WIPF3: variants seen among roughly 807,000 people sequenced by gnomAD.
The protein encoded by WIPF3 is WAS/WASL-interacting protein family member 3.
In WIPF3, 33 loss-of-function variants were observed where a neutral mutation model predicts 38.9. That is an observed-to-expected ratio of 0.85 (90% CI 0.64 to 1.14). The LOEUF (loss-of-function observed/expected upper bound fraction) is 1.14, where lower values mean the gene tolerates loss of function less well. WIPF3 is among the 50% of genes most tolerant of loss of function. The pLI, the probability that WIPF3 is intolerant of heterozygous loss-of-function variation, is 0.00. For synonymous variants in WIPF3, 324 were observed against 269.3 expected, an observed-to-expected ratio of 1.20 and a Z score of -1.99; for missense variants, 711 against 652.5, an observed-to-expected ratio of 1.09 and a Z score of -0.98.
At chr7:29,873,864 C>T (rs1468575061) in intron 2 of WIPF3, among the ~76,000 whole-genome samples, 1 of 152,224 alleles carries the variant, frequency 6.6e-6, no homozygotes, top group Non-Finnish European at 1.5e-5. Flanking sequence ...TTAGCCAAAA[C>T]CGCAACTGCC....
At chr7:29,882,945 C>G (rs542748053) in intron 4 of WIPF3, among the ~76,000 whole-genome samples, 8 of 152,218 alleles carry the variant, frequency 5.3e-5, no homozygotes, top group African/African-American at 1.7e-4. Context: ...TGCAGAACTT[C>G]GAGGCAGTAA....
At chr7:29,836,426 G>C (rs887163313) in intron 2 of WIPF3, among the ~76,000 whole-genome samples, 1 of 152,202 alleles carries the variant, frequency 6.6e-6, no homozygotes, top group Non-Finnish European at 1.5e-5. Flanking sequence ...CTCAGTAAAA[G>C]TTGAACAGGT....
At chr7:29,842,974 A>G (rs1784938725) in intron 2 of WIPF3, among the ~76,000 whole-genome samples, 1 of 152,196 alleles carries the variant, frequency 6.6e-6, no homozygotes, top group Non-Finnish European at 1.5e-5. Flanking sequence ...CTTACCAGGA[A>G]CTGATAGTGG....
intron 2 of WIPF3, among the ~76,000 whole-genome samples, chr7:29,835,690 A>T (rs886879772): frequency 3.3e-5 from 5 of 152,062 alleles, no homozygotes; most frequent in Admixed American, 1.3e-4. Flanking sequence ...TCTCACACTC[A>T]TTTTCCATTC....
At chr7:29,886,646 T>C (rs1428978213) in intron 5 of WIPF3, among the ~76,000 whole-genome samples, 1 of 152,146 alleles carries the variant, frequency 6.6e-6, no homozygotes, top group East Asian at 1.9e-4. Flanking sequence ...TGTGAGCCAC[T>C]ATGCCCGGCC....
Position 29,889,303 on chromosome 7 carries a change from C to A in WIPF3, c.1250-3C>A. 3.7e-6 allele frequency: 6 copies of A among 1,612,564 alleles called. No individual in the cohort carries two copies. Among genetic ancestry groups the A allele is most frequent in the Non-Finnish European group, 5.1e-6 (6 of 1,178,692 alleles). On this transcript the variant is annotated splice_region_variant and splice_polypyrimidine_tract_variant and intron_variant, in intron 6 of 8. Transcript: ENST00000242140. Reference sequence around the variant, plus strand: ...TAACTCTTTCCATTTCGCTTGTGTGCAGATGACTTCGAGTCTAAATTCACG... The same window carrying A: ...TAACTCTTTCCATTTCGCTTGTGTGAAGATGACTTCGAGTCTAAATTCACG...
At chr7:29,807,784 T>C (rs537779385) in intron 1 of WIPF3, among the ~76,000 whole-genome samples, 1 of 152,332 alleles carries the variant, frequency 6.6e-6, no homozygotes, top group Admixed American at 6.5e-5. Flanking sequence ...CCTCTGTGCC[T>C]GGGGTCCTTG....
chr7:29,884,827 A>G (rs1248303798), intron 5 of WIPF3, among the ~76,000 whole-genome samples: 3 of 152,106 alleles, frequency 2.0e-5, no homozygotes, highest in African/African-American at 7.2e-5. Context: ...TCTCCCTTCT[A>G]TTCATCTGTA....
rs754407587 is a variant in WIPF3 at position 29,823,922 on chromosome 7, A to G, written c.-57-10746A>G. 5.3e-5 allele frequency among the ~76,000 whole-genome samples: 8 copies of G among 152,182 alleles called. No individual in the cohort carries two copies. Among genetic ancestry groups the G allele is most frequent in the Non-Finnish European group, 7.4e-5 (5 of 68,024 alleles). ...AAGCAGATGCCGTTATGCTTCCTGT[A>G]CAGCCTGCAGAACTGTGAGCCAATT... On this transcript the variant is annotated intron_variant, in intron 1 of 8. Transcript: ENST00000242140. The surrounding 1 kb of genome is among the most constrained non-coding windows in gnomAD (Gnocchi z 4.0).
intron 4 of WIPF3, 27 bp from the exon 5 acceptor site, chr7:29,883,823 C>T: frequency 6.6e-7 from 1 of 1,514,282 alleles, no homozygotes; most frequent in African/African-American, 1.4e-5. Flanking sequence ...TATTGCCGAG[C>T]TAACCCAGAA....
intron 2 of WIPF3, among the ~76,000 whole-genome samples, chr7:29,854,242 A>C (rs1785150846): frequency 6.6e-6 from 1 of 152,224 alleles, no homozygotes; most frequent in African/African-American, 2.4e-5. Context: ...TGTAAGAAGA[A>C]TTTTAAAGGC....
chr7:29,831,781 GA>G (rs1168807302), intron 1 of WIPF3, among the ~76,000 whole-genome samples: 1 of 152,166 alleles, frequency 6.6e-6, no homozygotes, highest in Admixed American at 6.5e-5. Flanking sequence ...AATGGGCGGG[GA>G]AAGAGAAAAG....
chr7:29,911,922 A>C (rs1234630173), intron 8 of WIPF3, among the ~76,000 whole-genome samples: 2 of 152,224 alleles, frequency 1.3e-5, no homozygotes, highest in Non-Finnish European at 2.9e-5. Context: ...AGAAGAAAAA[A>C]TAAGCAAACT....
In WIPF3 at chr7:29,889,333, A is replaced by G; in HGVS notation, c.1277A>G (p.His426Arg). 2 of 1,613,938 alleles carry G rather than the reference A, an allele frequency of 1.2e-6. No individual in the cohort carries two copies. Among genetic ancestry groups the G allele is most frequent in the Non-Finnish European group, 1.7e-6 (2 of 1,179,886 alleles). The change falls in exon 7 of 9, where the codon CAT becomes CGT. Residue 426 changes from histidine (H) to arginine (R), a missense_variant. By Grantham distance (29) the His-to-Arg change is conservative. Coordinates refer to ENST00000242140, the MANE Select transcript of WIPF3 (RefSeq NM_001080529.3). ...GACTTCGAGTCTAAATTCACGTTCC[A>G]TTCTGTGGAAGACTTTCCCCCTCCG... Reference protein sequence around the residue: ...IDDFESKFTFHSVEDFPPPDE... With the variant: ...IDDFESKFTFRSVEDFPPPDE...
At position 29,884,585 on chromosome 7, in the gene WIPF3, GC is replaced by G; in HGVS notation, c.1093del (p.Arg365AspfsTer9). 1 of 1,604,782 alleles carries G rather than the reference GC, an allele frequency of 6.2e-7. No individual in the cohort carries two copies. The highest frequency in any genetic ancestry group is 8.5e-7 in the Non-Finnish European group (1 of 1,176,958). ...CCGTTCCTGCAGAAGAAGAGGCATG[GC>G]CGACCAGGTAAGGAGCGCTGCCTGG... ...SQPFLQKKRH[G>X]RPGAGGGKLN... is the part of the protein sequence containing the mutation. On this transcript the variant is annotated frameshift_variant, in exon 5 of 9. Transcript: ENST00000242140. LOFTEE classifies it high-confidence loss of function.
Position 29,884,161 on chromosome 7 carries a change from C to A in WIPF3, c.667C>A (p.Pro223Thr). 6.5e-7 allele frequency: 1 copy of A among 1,528,792 alleles called. No homozygotes were observed. The highest frequency in any genetic ancestry group is 8.8e-7 in the Non-Finnish European group (1 of 1,134,492). 94.7% of individuals were successfully genotyped at this position (1,528,792 alleles called of 1,614,324 possible). A position where few individuals can be genotyped will look rare whatever the true frequency, so the allele number is the denominator to read the frequency against. ...GGTTGCACCCCCCGTCCCCTGTGCG[C>A]CACCACCTCCACCTCCGCCACCTCC... ...PVVAPPVPCAPPPPPPPPPPT... is the reference protein window; with the variant it reads ...PVVAPPVPCATPPPPPPPPPT... Residue 223 changes from proline (P) to threonine (T), a missense_variant, in exon 5 of 9, where the codon CCA becomes ACA. Physicochemically the swap from Pro to Thr is conservative, Grantham distance 38. Transcript: ENST00000242140.
intron 2 of WIPF3, among the ~76,000 whole-genome samples, chr7:29,845,269 A>G (rs1366304594): frequency 6.6e-6 from 1 of 152,228 alleles, no homozygotes; most frequent in Non-Finnish European, 1.5e-5. Context: ...TCAGAAGGAT[A>G]GGGTCTCTGC....
intron 2 of WIPF3, among the ~76,000 whole-genome samples, chr7:29,858,275 C>T (rs1329596908): frequency 1.4e-4 from 22 of 152,290 alleles, no homozygotes; most frequent in Non-Finnish European, 8.8e-5. Context: ...CTTTAAATGG[C>T]TTCTCCCCTC....
At chr7:29,886,345 AG>A (rs1369976581) in intron 5 of WIPF3, among the ~76,000 whole-genome samples, 5 of 141,748 alleles carry the variant, frequency 3.5e-5, no homozygotes, top group Non-Finnish European at 7.5e-5. Flanking sequence ...AAAAAGACAA[AG>A]CTTTTTTTTT....
Sources: gnomAD v4.1 joint callset for allele counts (sites outside exome capture counted in the v4.1 genomes callset) on GRCh38, gnomAD v4.1.1 for gene constraint, Gnocchi (gnomAD v3.1) non-coding constraint, MANE v1.5 for transcripts, NCBI Gene and HGNC (gene_info 2026-07-23, HGNC 2026-07-21) for gene names.